Variants in TBX5 observed in about 807,000 individuals in gnomAD.
The protein encoded by TBX5 is T-box transcription factor TBX5.
A neutral mutation model predicts 51.1 loss-of-function variants in TBX5; 8 were observed. The observed-to-expected ratio is 0.16, with a 90% CI of 0.09 to 0.28. The LOEUF is 0.28. Ranked by LOEUF, TBX5 falls within the 10% of genes least tolerant of loss-of-function variation. The probability of loss-of-function intolerance (pLI) is 1.00; values close to 1 mark genes in which losing one functional copy is unlikely to be tolerated. For missense variants in TBX5, 589 were observed against 671.7 expected, an observed-to-expected ratio of 0.88 and a Z score of 1.36; for synonymous variants, 302 against 266.4, an observed-to-expected ratio of 1.13 and a Z score of -1.30.
chr12:114,390,011 C>A (rs1405453283), intron 6 of TBX5, among the ~76,000 whole-genome samples: 2 of 151,936 alleles, frequency 1.3e-5, no homozygotes, highest in Non-Finnish European at 2.9e-5. Context: ...CAGCAAAAAC[C>A]TTTTGCTCAA....
chr12:114,399,465 G>T (rs367994558), intron 4 of TBX5, 48 bp downstream of exon 4: 1 of 1,612,656 alleles, frequency 6.2e-7, no homozygotes, highest in South Asian at 1.1e-5. Flanking sequence ...TTTGGGAGAA[G>T]GTTCCACTTT....
rs201164281 is a variant in TBX5 at position 114,366,220 on chromosome 12, G to T, written c.927C>A (p.Asn309Lys). 8 of 1,613,978 alleles carry T rather than the reference G, an allele frequency of 5.0e-6. No homozygotes were observed. Among genetic ancestry groups the T allele is most frequent in the Non-Finnish European group, 5.9e-6 (7 of 1,180,018 alleles). The change falls in exon 8 of 9, where the codon AAC becomes AAA. Residue 309 changes from asparagine to lysine, a missense_variant. Asn to Lys is a moderately conservative substitution (Grantham distance 94). Transcript: ENST00000405440. ...GPSQDLLPPP[N>K]PYPLPQEHSQ... Reference sequence around the variant, plus strand: ...TATGCTCCTGGGGCAGTGGGTATGGGTTGGGTGGAGGCAGGAGGTCCTGGG... The same window carrying T: ...TATGCTCCTGGGGCAGTGGGTATGGTTTGGGTGGAGGCAGGAGGTCCTGGG...
At chr12:114,367,939 G>C (rs548060098) in intron 7 of TBX5, among the ~76,000 whole-genome samples, 4 of 152,066 alleles carry the variant, frequency 2.6e-5, no homozygotes, top group Admixed American at 2.0e-4. Flanking sequence ...TGATTCATAG[G>C]CTTCAACACA....
At chr12:114,365,529 A>G (rs1242317530) in intron 8 of TBX5, among the ~76,000 whole-genome samples, 1 of 152,196 alleles carries the variant, frequency 6.6e-6, no homozygotes, top group Non-Finnish European at 1.5e-5. Context: ...CATCTATATT[A>G]AAAGTTTTTA....
chr12:114,403,459 G>T (rs558034846), intron 2 of TBX5, among the ~76,000 whole-genome samples: 1 of 152,174 alleles, frequency 6.6e-6, no homozygotes, highest in African/African-American at 2.4e-5. Context: ...GACCCCAAAC[G>T]GCCGGATAAT....
chr12:114,357,537 C>T (rs1868992344), intron 8 of TBX5, among the ~76,000 whole-genome samples: 2 of 152,168 alleles, frequency 1.3e-5, no homozygotes, highest in South Asian at 4.1e-4. Context: ...GTGAGTAATA[C>T]TTACCTTACT....
At chr12:114,391,010 T>C (rs1208960602) in intron 6 of TBX5, among the ~76,000 whole-genome samples, 6 of 152,202 alleles carry the variant, frequency 3.9e-5, no homozygotes. Context: ...CCCAGTGGTA[T>C]ATGGGTATGT....
intron 7 of TBX5, among the ~76,000 whole-genome samples, chr12:114,370,309 A>G (rs1455285278): frequency 2.3e-5 from 3 of 131,440 alleles, no homozygotes; most frequent in African/African-American, 5.3e-5. Flanking sequence ...AAAGAAAAGA[A>G]AAGAAAGAAA....
intron 7 of TBX5, 105 bp from the exon 8 acceptor site, chr12:114,366,496 A>AG: frequency 1.9e-6 from 2 of 1,071,242 alleles, no homozygotes; most frequent in Non-Finnish European, 2.9e-6. Flanking sequence ...TCACAGAATA[A>AG]GGAAAAAAAA....
At chr12:114,372,216 G>A (rs763739730) in intron 7 of TBX5, among the ~76,000 whole-genome samples, 13 of 152,184 alleles carry the variant, frequency 8.5e-5, no homozygotes, top group Non-Finnish European at 1.8e-4. Context: ...AGGTATAAAA[G>A]CTACCCTTGT....
chr12:114,386,867 G>A (rs1015161597), intron 6 of TBX5, among the ~76,000 whole-genome samples: 1 of 152,020 alleles, frequency 6.6e-6, no homozygotes, highest in Non-Finnish European at 1.5e-5. Flanking sequence ...GCCAAGGTGG[G>A]TGGATAACTT....
intron 5 of TBX5, among the ~76,000 whole-genome samples, chr12:114,396,079 G>A (rs896912532): frequency 3.9e-5 from 6 of 152,140 alleles, no homozygotes; most frequent in Non-Finnish European, 5.9e-5. Flanking sequence ...TGACCCTGGG[G>A]CAAGATTCTT....
chr12:114,405,077 C>A (rs769243903), intron 1 of TBX5, among the ~76,000 whole-genome samples: 16 of 152,214 alleles, frequency 1.1e-4, no homozygotes, highest in Non-Finnish European at 1.8e-4. Flanking sequence ...GGGAAGCGGG[C>A]ACAAGCGATG....
chr12:114,373,205 G>A (rs1190919545), intron 7 of TBX5, among the ~76,000 whole-genome samples: 1 of 152,104 alleles, frequency 6.6e-6, no homozygotes, highest in East Asian at 1.9e-4. Context: ...AAAAGGGTCT[G>A]TGATTCAAAA....
At position 114,399,800 on chromosome 12, in the gene TBX5, T is replaced by C. The variant is rs769477336; in HGVS notation, c.243-168A>G. ...CCATCCCGGGTTTCCCTTGAAGTTA[T>C]AGGGAGGAGAAAGGCGAAGGGAGGA... On this transcript the variant is annotated intron_variant, in intron 3 of 8. Coordinates refer to ENST00000405440, the MANE Select transcript of TBX5 (RefSeq NM_181486.4). Among the ~76,000 whole-genome samples the C allele has an allele frequency of 2.0e-5, 3 of 152,066 alleles. No homozygotes were observed. In the East Asian group the frequency reaches 5.8e-4, roughly 29 times the overall value.
At chr12:114,360,305 A>G (rs1406902611) in intron 8 of TBX5, among the ~76,000 whole-genome samples, 3 of 148,148 alleles carry the variant, frequency 2.0e-5, no homozygotes, top group Non-Finnish European at 4.5e-5. Context: ...GCCAACATGA[A>G]AAGGTAGCAA....
In TBX5 at chr12:114,398,664, T is replaced by C; in HGVS notation, c.419A>G (p.Asp140Gly). The C allele has an allele frequency of 6.2e-7, 1 of 1,612,188 alleles. No individual in the cohort carries two copies. Among genetic ancestry groups the C allele is most frequent in the Non-Finnish European group, 8.5e-7 (1 of 1,179,512 alleles). Residue 140 changes from aspartate (D) to glycine (G), a missense_variant, in exon 5 of 9, where the codon GAC (aspartate) becomes GGC (glycine). Around this residue, in one of 7 missense-constraint regions of TBX5, gnomAD observed 85 missense variants for 95.6 expected, o/e 0.89. Coordinates refer to ENST00000405440, the MANE Select transcript of TBX5 (RefSeq NM_181486.4). Reference sequence around the variant, plus strand: ...CCAATGCGCCCCGGTGGCGGGGGAGTCTGGGTGCACGTACAGGCGGCCAGG... The same window carrying C: ...CCAATGCGCCCCGGTGGCGGGGGAGCCTGGGTGCACGTACAGGCGGCCAGG... ...AMPGRLYVHP[D>G]SPATGAHWMR...
intron 5 of TBX5, among the ~76,000 whole-genome samples, chr12:114,398,193 T>G (rs1195324604): frequency 2.0e-5 from 3 of 152,052 alleles, no homozygotes; most frequent in Non-Finnish European, 4.4e-5. Context: ...GGGCCATATC[T>G]CCAGCCACCA....
chr12:114,363,420 A>G (rs11067077), intron 8 of TBX5, among the ~76,000 whole-genome samples: 6,533 of 152,266 alleles, frequency 0.043, 493 homozygotes, highest in East Asian at 0.35. Context: ...TCAGGGATGC[A>G]TTTATAAGGA....
Sources: gnomAD v4.1 joint callset for allele counts (sites outside exome capture counted in the v4.1 genomes callset) on GRCh38, gnomAD v4.1.1 for gene constraint, gnomAD v4.1.1 regional missense constraint, MANE v1.5 for transcripts, NCBI Gene and HGNC (gene_info 2026-07-23, HGNC 2026-07-21) for gene names.